Variants in GLUD1 observed in about 807,000 individuals in gnomAD.
GLUD1 encodes the protein glutamate dehydrogenase 1.
Under a neutral mutation model 56.0 loss-of-function variants are expected in GLUD1, and 22 were observed. The observed-to-expected ratio is 0.39, with a 90% CI of 0.28 to 0.56. The LOEUF is 0.56. Among genes scored for constraint, GLUD1 ranks in the 20% least tolerant of loss-of-function variants. The pLI, the probability that GLUD1 is intolerant of heterozygous loss-of-function variation, is 0.58. For synonymous variants in GLUD1, 223 were observed against 269.9 expected (o/e 0.83, Z 1.70); for missense variants, 451 against 732.0 (o/e 0.62, Z 4.43).
Position 87,060,965 on chromosome 10 carries a change from T to C in GLUD1, c.1009A>G (p.Ile337Val), listed in dbSNP as rs1257052832. 3.7e-6 allele frequency: 6 copies of C among 1,613,998 alleles called. No individual in the cohort carries two copies. In the Admixed American group the frequency reaches 8.3e-5, roughly 22 times the overall value. ...CIAVGESDGS[I>V]WNPDGIDPKE... ...GGGTCAATACCATCTGGATTCCATA[T>C]ACTCCCATCAGACTCACCAACAGCA... The change falls in exon 7 of 13, where the codon ATA becomes GTA. Residue 337 changes from isoleucine to valine, a missense_variant. Transcript: ENST00000277865.
At chr10:87,057,821 G>GAAAAAAAAAAAAAAAA in intron 10 of GLUD1, 39 bp from the exon 11 acceptor site, 2 of 722,500 alleles carry the variant, frequency 2.8e-6, no homozygotes, top group Non-Finnish European at 4.7e-6. Context: ...ATTGCTAACA[G>GAAAAAAAAAAAAAAAA]AAAAAAAAAA....
intron 3 of GLUD1, 117 bp downstream of exon 3, chr10:87,075,851 T>C (rs1846372862): frequency 1.3e-6 from 1 of 758,588 alleles, no homozygotes. Context: ...GAGGCGGAGG[T>C]TGCAGTGAGC....
intron 9 of GLUD1, 50 bp from the exon 10 acceptor site, chr10:87,059,323 A>G: frequency 1.3e-6 from 2 of 1,592,728 alleles, no homozygotes; most frequent in Non-Finnish European, 1.7e-6. Context: ...GTTTTCGTAA[A>G]AGCTGAAAAT....
At chr10:87,053,097 C>T (rs1845681568) in intron 12 of GLUD1, among the ~76,000 whole-genome samples, 1 of 152,144 alleles carries the variant, frequency 6.6e-6, no homozygotes, top group African/African-American at 2.4e-5. Flanking sequence ...GGGCTAGCTG[C>T]CAACATCATT....
At chr10:87,073,395 C>G (rs1846294096) in intron 4 of GLUD1, among the ~76,000 whole-genome samples, 1 of 152,078 alleles carries the variant, frequency 6.6e-6, no homozygotes, top group Non-Finnish European at 1.5e-5. Flanking sequence ...CTCAAGTGAT[C>G]CTCCCACCTC....
chr10:87,083,145 G>A (rs890793038), intron 1 of GLUD1, among the ~76,000 whole-genome samples: 2 of 151,602 alleles, frequency 1.3e-5, no homozygotes, highest in African/African-American at 2.4e-5. Flanking sequence ...AGGCTAAGGC[G>A]GAGGTTACAG....
At chr10:87,056,333 C>T (rs1845775727) in intron 11 of GLUD1, among the ~76,000 whole-genome samples, 1 of 145,014 alleles carries the variant, frequency 6.9e-6, no homozygotes, top group African/African-American at 2.6e-5. Context: ...GCTCTTGTTG[C>T]CCAGGCTGGA....
chr10:87,094,838 A>T lies in GLUD1; in HGVS notation c.-69T>A. On this transcript the variant is annotated 5_prime_UTR_variant, in exon 1 of 13. Coordinates refer to ENST00000277865, the MANE Select transcript of GLUD1 (RefSeq NM_005271.5). The surrounding 1 kb of genome is among the most constrained non-coding windows in gnomAD (Gnocchi z 6.6). ...GCGCTTTCTCAGACTCCCCGCGACT[A>T]GGGAGGAAGGGTCCCGCGCGGGTTG... is the stretch of plus-strand genomic sequence containing the variant. 8.1e-7 allele frequency: 1 copy of T among 1,235,168 alleles called. No homozygotes were observed. The allele number at this position is 1,235,168 out of a possible 1,614,324, so 76.5% of individuals were successfully genotyped here.
intron 6 of GLUD1, chr10:87,061,285 G>T: frequency 1.6e-6 from 1 of 634,040 alleles, no homozygotes; most frequent in Non-Finnish European, 2.9e-6. Flanking sequence ...ACTTTGGGAG[G>T]CTGAGGCAGG....
chr10:87,074,564 T>A lies in GLUD1; in HGVS notation c.633A>T (p.Lys211Asn). Residue 211 changes from lysine to asparagine, a missense_variant, in exon 4 of 13, where the codon AAA (lysine) becomes AAT (asparagine). Physicochemically the swap from Lys to Asn is moderately conservative, Grantham distance 94 (BLOSUM62 0). Around this residue, in one of 4 missense-constraint regions of GLUD1, gnomAD observed 248 missense variants for 460.0 expected, o/e 0.54. Coordinates refer to ENST00000277865, the MANE Select transcript of GLUD1 (RefSeq NM_005271.5). ...GGCTACACATACCAATAAAGCCCTTTTTTGCTAGCTCCATGGTGAACCTCC... is the reference window on the plus strand; with the variant it reads ...GGCTACACATACCAATAAAGCCCTTATTTGCTAGCTCCATGGTGAACCTCC... ...ITRRFTMELA[K>N]KGFIGPGIDV... 1.3e-6 allele frequency: 2 copies of A among 1,583,462 alleles called. No homozygotes were observed. The highest frequency in any genetic ancestry group is 1.7e-6 in the Non-Finnish European group (2 of 1,152,116).
At position 87,073,610 on chromosome 10, in the gene GLUD1, C is replaced by CTT. The variant is rs71019462; in HGVS notation, c.646+939_646+940dup. 1.5e-3 allele frequency among the ~76,000 whole-genome samples: 108 copies of CTT among 74,170 alleles called. 7 individuals are homozygous for CTT. The highest frequency in any genetic ancestry group is 2.2e-3 in the South Asian group (5 of 2,302). The allele number at this position is 74,170 out of a possible 152,430, so 48.7% of individuals were successfully genotyped here. On this transcript the variant is annotated intron_variant, in intron 4 of 12. Coordinates refer to ENST00000277865, the MANE Select transcript of GLUD1 (RefSeq NM_005271.5). ...CTATTATTAAGTAACAATTAACATTCTTTTTTTTTTTTTTTTTTTTTTTTT... is the reference window on the plus strand; with the variant it reads ...CTATTATTAAGTAACAATTAACATTCTTTTTTTTTTTTTTTTTTTTTTTTTTT...
At chr10:87,092,658 A>G (rs765995370) in intron 1 of GLUD1, 105 of 964,836 alleles carry the variant, frequency 1.1e-4, no homozygotes, top group Middle Eastern at 1.1e-3. Context: ...TGGGCATCTG[A>G]AGAATCGAAG....
chr10:87,089,604 T>C (rs1301228429), intron 1 of GLUD1: 1 of 985,164 alleles, frequency 1.0e-6, no homozygotes, highest in East Asian at 1.1e-4. Context: ...AGAATGTGTG[T>C]GGCTGCAGAA....
At chr10:87,083,927 T>C (rs1841323718) in intron 1 of GLUD1, among the ~76,000 whole-genome samples, 1 of 152,158 alleles carries the variant, frequency 6.6e-6, no homozygotes, top group Non-Finnish European at 1.5e-5. Flanking sequence ...ACTGTGCTAG[T>C]AGGAATGAAG....
intron 1 of GLUD1, among the ~76,000 whole-genome samples, chr10:87,080,095 G>A (rs1287344748): frequency 9.9e-5 from 15 of 151,808 alleles, no homozygotes; most frequent in Non-Finnish European, 1.8e-4. Context: ...GCGCCGCCAC[G>A]CCTGACTGGT....
chr10:87,073,610 C>CTTT (rs71019462), intron 4 of GLUD1, among the ~76,000 whole-genome samples: 30 of 74,162 alleles, frequency 4.0e-4, no homozygotes, highest in Non-Finnish European at 5.6e-4. Context: ...AATTAACATT[C>CTTT]TTTTTTTTTT....
At chr10:87,072,326 T>C (rs1291688625) in intron 4 of GLUD1, among the ~76,000 whole-genome samples, 1 of 152,224 alleles carries the variant, frequency 6.6e-6, no homozygotes, top group Non-Finnish European at 1.5e-5. Flanking sequence ...GAAATTCCTA[T>C]AAAAATCCCA....
chr10:87,089,620 T>C, intron 1 of GLUD1: 1 of 985,340 alleles, frequency 1.0e-6, no homozygotes, highest in Non-Finnish European at 1.2e-6. Context: ...CAGAATCTTC[T>C]AGGTGTAGTT....
intron 9 of GLUD1, among the ~76,000 whole-genome samples, 182 bp downstream of exon 9, chr10:87,059,979 C>T (rs1472866457): frequency 5.3e-5 from 8 of 152,136 alleles, no homozygotes; most frequent in Non-Finnish European, 1.2e-4. Context: ...ATAAATGTTT[C>T]GATCAAAGTG....
Sources: gnomAD v4.1 joint callset for allele counts (sites outside exome capture counted in the v4.1 genomes callset) on GRCh38, gnomAD v4.1.1 for gene constraint, gnomAD v4.1.1 regional missense constraint, Gnocchi (gnomAD v3.1) non-coding constraint, MANE v1.5 for transcripts, NCBI Gene and HGNC (gene_info 2026-07-23, HGNC 2026-07-21) for gene names.